INPP4B: variants seen among roughly 807,000 people sequenced by gnomAD.
INPP4B encodes inositol polyphosphate 4-phosphatase type II.
A neutral mutation model predicts 122.5 loss-of-function variants in INPP4B; 55 were observed. The observed-to-expected ratio is 0.45, with a 90% CI of 0.36 to 0.56. The LOEUF is 0.56. INPP4B is among the 20% of genes least tolerant of loss of function. INPP4B has a pLI of 0.00. For missense variants in INPP4B, 1,000 were observed against 1,097.7 expected (o/e 0.91, Z 1.26); for synonymous variants, 403 against 388.7 (o/e 1.04, Z -0.43).
intron 2 of INPP4B, among the ~76,000 whole-genome samples, chr4:142,675,528 G>T (rs1483984079): frequency 6.6e-6 from 1 of 152,034 alleles, no homozygotes; most frequent in East Asian, 1.9e-4. Context: ...CCAAAATCTG[G>T]CAGAGAAAGA....
At chr4:142,145,750 T>C (rs1579069089) in intron 18 of INPP4B, 90 bp downstream of exon 18, 4 of 1,278,574 alleles carry the variant, frequency 3.1e-6, no homozygotes, top group Non-Finnish European at 4.5e-6. Context: ...AAAGATACTA[T>C]TGACTCCTCT....
chr4:142,078,056 A>G (rs1390324991), intron 25 of INPP4B, among the ~76,000 whole-genome samples: 2 of 151,814 alleles, frequency 1.3e-5, no homozygotes, highest in African/African-American at 4.8e-5. Context: ...ATCCTTAGAG[A>G]GTCAGATCAC....
intron 2 of INPP4B, among the ~76,000 whole-genome samples, chr4:142,692,626 G>A (rs1477381218): frequency 6.6e-6 from 1 of 152,184 alleles, no homozygotes; most frequent in Non-Finnish European, 1.5e-5. Context: ...CTAAAACAAA[G>A]TTAAAATCCT....
intron 1 of INPP4B, among the ~76,000 whole-genome samples, chr4:142,727,785 G>A (rs945987046): frequency 1.2e-4 from 18 of 152,210 alleles, no homozygotes; most frequent in Admixed American, 7.9e-4. Context: ...GGCTGAGATG[G>A]GAGGATCACT....
intron 1 of INPP4B, among the ~76,000 whole-genome samples, chr4:142,830,731 G>C (rs1159312086): frequency 2.6e-5 from 4 of 151,914 alleles, no homozygotes; most frequent in East Asian, 1.9e-4. Flanking sequence ...AGAGTCAAGA[G>C]TGGGGCAGGC....
intron 2 of INPP4B, among the ~76,000 whole-genome samples, chr4:142,498,196 C>T (rs139844940): frequency 1.0e-4 from 15 of 148,716 alleles, no homozygotes; most frequent in Non-Finnish European, 1.9e-4. Context: ...TATGTGTGTG[C>T]GTGTGTGTAT....
At chr4:142,305,343 A>C (rs17015882) in intron 9 of INPP4B, 115 bp downstream of exon 9, 72,548 of 746,988 alleles carry the variant, frequency 0.097, 3,988 homozygotes, top group South Asian at 0.18. Context: ...AACATTAGCT[A>C]TTTGAGAACT....
At chr4:142,392,670 G>C (rs548599850) in intron 7 of INPP4B, among the ~76,000 whole-genome samples, 2 of 152,188 alleles carry the variant, frequency 1.3e-5, no homozygotes, top group Non-Finnish European at 2.9e-5. Flanking sequence ...TATCCCTCAC[G>C]ATAGGCTCTA....
intron 1 of INPP4B, among the ~76,000 whole-genome samples, chr4:142,806,290 A>G (rs1484244665): frequency 5.3e-5 from 8 of 151,190 alleles, no homozygotes; most frequent in African/African-American, 1.7e-4. Flanking sequence ...AAAAAAAAAA[A>G]AAAAAAAAAA....
Position 142,533,715 on chromosome 4 carries a change from G to A in INPP4B, c.-190-70989C>T, listed in dbSNP as rs990656358. On this transcript the variant is annotated intron_variant, in intron 2 of 25. Coordinates refer to ENST00000262992, the MANE Select transcript of INPP4B (RefSeq NM_001101669.3). The stretch of plus-strand genomic sequence containing the variant: ...TTGACTGCATTAGCAAAATTCTTAA[G>A]CAAATAAAGAAACATGTTTATAAGA... 3.3e-5 allele frequency among the ~76,000 whole-genome samples: 5 copies of A among 152,182 alleles called. No individual in the cohort carries two copies. The Middle Eastern group carries it at 0.017, about 518-fold the overall frequency.
intron 7 of INPP4B, among the ~76,000 whole-genome samples, chr4:142,401,829 T>C (rs1357260023): frequency 6.6e-6 from 1 of 152,232 alleles, no homozygotes; most frequent in Non-Finnish European, 1.5e-5. Flanking sequence ...ACAACTGTTT[T>C]GTTTCCATGT....
chr4:142,398,449 A>AC (rs1800468445), intron 7 of INPP4B, among the ~76,000 whole-genome samples: 2 of 116,706 alleles, frequency 1.7e-5, no homozygotes, highest in African/African-American at 6.6e-5. Flanking sequence ...TATATATAAA[A>AC]CATATTAAAC....
intron 3 of INPP4B, among the ~76,000 whole-genome samples, chr4:142,433,224 G>T (rs1439309914): frequency 6.6e-6 from 1 of 152,108 alleles, no homozygotes; most frequent in Non-Finnish European, 1.5e-5. Context: ...GTTAAGTAGA[G>T]CATTTACCTA....
chr4:142,377,641 A>G (rs1792467382), intron 7 of INPP4B, among the ~76,000 whole-genome samples: 1 of 152,136 alleles, frequency 6.6e-6, no homozygotes, highest in Non-Finnish European at 1.5e-5. Flanking sequence ...TATCAAAATG[A>G]CATTATTATG....
intron 9 of INPP4B, among the ~76,000 whole-genome samples, chr4:142,278,133 A>C (rs1216576428): frequency 6.6e-6 from 1 of 151,946 alleles, no homozygotes. Flanking sequence ...GAGTATGCAC[A>C]CTCTACAGCA....
At chr4:142,565,473 TG>T (rs1470100722) in intron 2 of INPP4B, among the ~76,000 whole-genome samples, 2 of 152,066 alleles carry the variant, frequency 1.3e-5, no homozygotes, top group Non-Finnish European at 2.9e-5. Flanking sequence ...AATAAGTGAG[TG>T]AACAAATGAA....
intron 23 of INPP4B, among the ~76,000 whole-genome samples, chr4:142,098,028 G>A (rs952947105): frequency 1.3e-5 from 2 of 152,228 alleles, no homozygotes; most frequent in Admixed American, 6.5e-5. Flanking sequence ...AAGAGAGAAG[G>A]GTTCCAGCGG....
intron 7 of INPP4B, among the ~76,000 whole-genome samples, chr4:142,344,879 T>C (rs1480069214): frequency 2.6e-5 from 4 of 151,992 alleles, no homozygotes; most frequent in African/African-American, 4.8e-5. Flanking sequence ...AATTAATATA[T>C]ATCAGGTATA....
At chr4:142,550,397 C>T (rs1354132549) in intron 2 of INPP4B, among the ~76,000 whole-genome samples, 1 of 151,896 alleles carries the variant, frequency 6.6e-6, no homozygotes, top group Non-Finnish European at 1.5e-5. Context: ...ATGAGCAAAC[C>T]AGGATGTTAG....
Sources: gnomAD v4.1 joint callset for allele counts (sites outside exome capture counted in the v4.1 genomes callset) on GRCh38, gnomAD v4.1.1 for gene constraint, MANE v1.5 for transcripts, NCBI Gene and HGNC (gene_info 2026-07-23, HGNC 2026-07-21) for gene names.